Variants in TET1 observed in about 807,000 individuals in gnomAD.
TET1 encodes the protein methylcytosine dioxygenase TET1.
A neutral mutation model predicts 148.7 loss-of-function variants in TET1; 13 were observed. That is an observed-to-expected ratio of 0.09 (90% CI 0.06 to 0.14). TET1 has a LOEUF of 0.14. Ranked by LOEUF, TET1 falls within the 10% of genes least tolerant of loss-of-function variation. The pLI is 1.00. For missense variants in TET1, 2,182 were observed against 2,553.8 expected (o/e 0.85, Z 3.14); for synonymous variants, 907 against 937.2 (o/e 0.97, Z 0.59).
intron 5 of TET1, 122 bp from the exon 6 acceptor site, chr10:68,652,379 G>C: frequency 3.6e-6 from 2 of 562,462 alleles, no homozygotes; most frequent in Non-Finnish European, 6.0e-6. Flanking sequence ...ATTACGAAGA[G>C]TGTCTAATTT....
chr10:68,564,180 A>T, intron 1 of TET1, among the ~76,000 whole-genome samples: 1 of 146,292 alleles, frequency 6.8e-6, no homozygotes. Flanking sequence ...TCAGAGTCTC[A>T]CTCTGTTGCC....
At chr10:68,672,505 A>AAC (rs2055287844) in intron 7 of TET1, among the ~76,000 whole-genome samples, 3 of 148,486 alleles carry the variant, frequency 2.0e-5, no homozygotes, top group African/African-American at 5.0e-5. Flanking sequence ...AAAAAAAAAA[A>AAC]AAAAAACACC....
chr10:68,661,862 T>C (rs561345751), intron 6 of TET1, among the ~76,000 whole-genome samples: 5 of 137,566 alleles, frequency 3.6e-5, no homozygotes, highest in African/African-American at 1.4e-4. Flanking sequence ...GTTTTTTAAT[T>C]TAAAAAAAAT....
chr10:68,629,234 G>A (rs904791373), intron 3 of TET1, among the ~76,000 whole-genome samples: 6 of 151,882 alleles, frequency 4.0e-5, no homozygotes, highest in East Asian at 2.0e-4. Context: ...GTGTGGTGGC[G>A]AGTGCCTGTA....
At chr10:68,596,021 C>CAT (rs1271069239) in intron 2 of TET1, among the ~76,000 whole-genome samples, 7 of 102,740 alleles carry the variant, frequency 6.8e-5, no homozygotes, top group South Asian at 6.4e-4. Flanking sequence ...CACACACACA[C>CAT]ACACACATAT....
chr10:68,624,344 C>T lies in TET1; in HGVS notation c.1969-20354C>T, dbSNP rs142210422. Among the ~76,000 whole-genome samples, 30 of 152,208 alleles carry T rather than the reference C, an allele frequency of 2.0e-4. No individual in the cohort carries two copies. In the East Asian group the frequency reaches 5.8e-3, roughly 29 times the overall value. On this transcript the variant is annotated intron_variant, in intron 3 of 11. Transcript: ENST00000373644. ...TGCTCTTGTTGCCCAGGCTGGAGTG[C>T]AATGGCGCTATCTTGGCTCACCGCA... is the stretch of plus-strand genomic sequence containing the variant.
intron 2 of TET1, among the ~76,000 whole-genome samples, chr10:68,577,057 C>T (rs572941028): frequency 7.9e-5 from 12 of 152,226 alleles, no homozygotes; most frequent in East Asian, 3.9e-4. Context: ...TACAGGTGCC[C>T]GCCACCGCGC....
At chr10:68,598,054 G>T (rs1474788261) in intron 2 of TET1, among the ~76,000 whole-genome samples, 2 of 152,154 alleles carry the variant, frequency 1.3e-5, no homozygotes, top group African/African-American at 2.4e-5. Flanking sequence ...TTGCATAGCA[G>T]TTGTGAATGT....
At chr10:68,569,166 C>CTTTTTTTTTTTTTTTTTTTTTTTTT (rs34385747) in intron 1 of TET1, among the ~76,000 whole-genome samples, 4 of 69,778 alleles carry the variant, frequency 5.7e-5, no homozygotes, top group African/African-American at 1.1e-4. Context: ...AGGAGAGTTT[C>CTTTTTTTTTTTTTTTTTTTTTTTTT]TTTTTTTTTT....
chr10:68,625,103 T>C (rs1000705307), intron 3 of TET1, among the ~76,000 whole-genome samples: 1 of 152,216 alleles, frequency 6.6e-6, no homozygotes, highest in Non-Finnish European at 1.5e-5. Context: ...CCTGTAGTTA[T>C]TGGTCTCATT....
At chr10:68,624,135 T>TACA (rs2054415947) in intron 3 of TET1, among the ~76,000 whole-genome samples, 1 of 151,558 alleles carries the variant, frequency 6.6e-6, no homozygotes, top group Admixed American at 6.6e-5. Context: ...CTCGATCTGT[T>TACA]GCCCAGGCTG....
At chr10:68,615,893 C>T (rs1171092392) in intron 3 of TET1, among the ~76,000 whole-genome samples, 2 of 151,622 alleles carry the variant, frequency 1.3e-5, no homozygotes, top group Admixed American at 6.6e-5. Flanking sequence ...GTGATCCGCC[C>T]GCTTTGGCCT....
chr10:68,589,662 ATTT>A (rs57278279), intron 2 of TET1, among the ~76,000 whole-genome samples: 14,681 of 109,212 alleles, frequency 0.13, 668 homozygotes, highest in South Asian at 0.2. Flanking sequence ...AATATCTCCA[ATTT>A]TTTTTTTTTT....
At chr10:68,569,047 G>C (rs2053637128) in intron 1 of TET1, among the ~76,000 whole-genome samples, 1 of 151,660 alleles carries the variant, frequency 6.6e-6, no homozygotes, top group Non-Finnish European at 1.5e-5. Context: ...AACCTAATTT[G>C]TCAATACTGT....
chr10:68,573,205 C>G lies in TET1; in HGVS notation c.867C>G (p.Pro289=). The G allele has an allele frequency of 6.2e-7, 1 of 1,613,992 alleles. No homozygotes were observed. Among genetic ancestry groups the G allele is most frequent in the Non-Finnish European group, 8.5e-7 (1 of 1,180,008 alleles). ...SLKLSDSYLD[P]IKSEHDCYPT... ...AGTTATCTGATTCTTACCTGGATCC[C>G]ATTAAAAGTGAACATGATTGCTACC... is the stretch of plus-strand genomic sequence containing the variant. Residue 289 remains proline (P), a synonymous_variant, in exon 2 of 12, where the codon CCC becomes CCG. Coordinates refer to ENST00000373644, the MANE Select transcript of TET1 (RefSeq NM_030625.3).
rs1325735202 is a variant in TET1 at position 68,573,382 on chromosome 10, C to G, written c.1044C>G (p.Ala348=). Residue 348 remains alanine, a synonymous_variant, in exon 2 of 12, where the codon GCC becomes GCG. Transcript: ENST00000373644. ...TLGAKPDHQE[A]FEATANQQEV... ...GTGCTAAACCAGATCATCAAGAGGC[C>G]TTCGAAGCTACTGCAAATCAACAGG... The G allele has an allele frequency of 6.2e-7, 1 of 1,614,004 alleles. No homozygotes were observed. The highest frequency in any genetic ancestry group is 8.5e-7 in the Non-Finnish European group (1 of 1,180,030).
At chr10:68,562,210 C>T (rs1241188293) in intron 1 of TET1, among the ~76,000 whole-genome samples, 2 of 151,958 alleles carry the variant, frequency 1.3e-5, no homozygotes, top group Non-Finnish European at 2.9e-5. Context: ...GGCGTCCCCA[C>T]CCCCAATATA....
intron 7 of TET1, among the ~76,000 whole-genome samples, chr10:68,672,240 G>A (rs544104367): frequency 3.3e-5 from 5 of 151,748 alleles, no homozygotes; most frequent in South Asian, 2.1e-4. Context: ...CCTCACACCC[G>A]TAATCCCAGA....
intron 6 of TET1, among the ~76,000 whole-genome samples, chr10:68,654,106 C>CAAAAAAA (rs66890965): frequency 1.2e-5 from 1 of 84,998 alleles, no homozygotes; most frequent in Non-Finnish European, 2.1e-5. Flanking sequence ...AAAATGTCTC[C>CAAAAAAA]AAAAAAAAAA....
Sources: gnomAD v4.1 joint callset for allele counts (sites outside exome capture counted in the v4.1 genomes callset) on GRCh38, gnomAD v4.1.1 for gene constraint, MANE v1.5 for transcripts, NCBI Gene and HGNC (gene_info 2026-07-23, HGNC 2026-07-21) for gene names.